The following MAML2 variants were observed in gnomAD, a reference collection of about 807,000 sequenced individuals.
MAML2 encodes mastermind-like protein 2.
MAML2 carries 22 observed loss-of-function variants against 96.1 expected under a neutral mutation model. The ratio of observed to expected loss-of-function variants is 0.23; its 90% CI spans 0.16 to 0.33. MAML2 has a LOEUF of 0.33. Ranked by LOEUF, MAML2 falls within the 10% of genes least tolerant of loss-of-function variation. The pLI is 1.00. For missense variants in MAML2, 1,367 were observed against 1,392.4 expected, an observed-to-expected ratio of 0.98 and a Z score of 0.29; for synonymous variants, 561 against 521.3, an observed-to-expected ratio of 1.08 and a Z score of -1.04.
chr11:96,015,991 T>C (rs1858346074), intron 2 of MAML2, among the ~76,000 whole-genome samples: 1 of 152,168 alleles, frequency 6.6e-6, no homozygotes, highest in Admixed American at 6.5e-5. Flanking sequence ...AATACATGCA[T>C]GGCTGGCCCT....
chr11:96,287,866 T>C (rs1310565599), intron 1 of MAML2, among the ~76,000 whole-genome samples: 1 of 152,230 alleles, frequency 6.6e-6, no homozygotes, highest in Non-Finnish European at 1.5e-5. Flanking sequence ...ACCCTTCATT[T>C]TAATACTAAC....
rs1366038500 is a variant in MAML2, at chr11:95,979,673, G to A, written c.2746C>T (p.Pro916Ser). Residue 916 changes from proline to serine, a missense_variant, in exon 5 of 5, where the codon CCA (proline) becomes TCA (serine). Pro to Ser is a moderately conservative substitution (Grantham distance 74, BLOSUM62 -1). Transcript: ENST00000524717. ...PMMPRPPTLG[P>S]SNNNNVATFG... ...GTGGCTACATTGTTATTATTACTTGGCCCTAAGGTAGGTGGCCGTGGCATC... is the reference window on the plus strand; with the variant it reads ...GTGGCTACATTGTTATTATTACTTGACCCTAAGGTAGGTGGCCGTGGCATC... 6.2e-7 allele frequency: 1 copy of A among 1,613,902 alleles called. No homozygotes were observed. The highest frequency in any genetic ancestry group is 8.5e-7 in the Non-Finnish European group (1 of 1,179,884).
chr11:96,239,069 T>C lies in MAML2; in HGVS notation c.513+102314A>G, dbSNP rs147446720. ...AAACAACTACAGCTGCAACCAAAGA[T>C]GGGAATCACACTAACATTTTAAAGT... On this transcript the variant is annotated intron_variant, in intron 1 of 4. Coordinates refer to ENST00000524717, the MANE Select transcript of MAML2 (RefSeq NM_032427.4). 2.6e-3 allele frequency among the ~76,000 whole-genome samples: 394 copies of C among 152,334 alleles called. 3 individuals carry two copies. The highest frequency in any genetic ancestry group is 9.0e-3 in the African/African-American group (375 of 41,578).
chr11:96,074,244 C>T (rs959285209), intron 2 of MAML2, among the ~76,000 whole-genome samples: 4 of 152,212 alleles, frequency 2.6e-5, no homozygotes, highest in Admixed American at 2.0e-4. Context: ...TGCAGTCACC[C>T]AGCTAGTCAG....
chr11:96,195,099 C>T (rs1861710633), intron 1 of MAML2, among the ~76,000 whole-genome samples: 1 of 152,234 alleles, frequency 6.6e-6, no homozygotes. Flanking sequence ...CTTTCTACTT[C>T]ACATTTTACC....
intron 1 of MAML2, among the ~76,000 whole-genome samples, chr11:96,321,768 T>C (rs1024115080): frequency 1.3e-5 from 2 of 152,230 alleles, no homozygotes; most frequent in African/African-American, 4.8e-5. Flanking sequence ...TGGCCAACAC[T>C]ATTCCCTCCA....
At chr11:96,064,314 C>A (rs1859212416) in intron 2 of MAML2, among the ~76,000 whole-genome samples, 1 of 152,154 alleles carries the variant, frequency 6.6e-6, no homozygotes, top group Admixed American at 6.5e-5. Flanking sequence ...TTGGTCAAGT[C>A]CGCTCTAGAA....
chr11:96,051,703 C>T (rs1858993160), intron 2 of MAML2, among the ~76,000 whole-genome samples: 1 of 152,198 alleles, frequency 6.6e-6, no homozygotes, highest in Non-Finnish European at 1.5e-5. Flanking sequence ...TGCCTGAAAG[C>T]CCACCAGTTA....
chr11:96,097,448 G>A (rs142585625), intron 1 of MAML2, among the ~76,000 whole-genome samples: 18 of 152,230 alleles, frequency 1.2e-4, no homozygotes, highest in African/African-American at 3.6e-4. Flanking sequence ...AAGTATTAGG[G>A]TAGTAATATC....
rs1050854309 is a variant in MAML2, at chr11:96,287,073, A to G, written c.513+54310T>C. ...ATACTGAGCAAAAAAATCAGCAGCT[A>G]GCACTTATCAGATGGGAAGTGAAAA... On this transcript the variant is annotated intron_variant, in intron 1 of 4. Transcript: ENST00000524717. 2.4e-4 allele frequency among the ~76,000 whole-genome samples: 37 copies of G among 152,366 alleles called. 1 individual carries two copies. Among genetic ancestry groups the G allele is most frequent in the African/African-American group, 8.4e-4 (35 of 41,586 alleles).
chr11:96,207,364 ATTAG>A (rs1273040544), intron 1 of MAML2, among the ~76,000 whole-genome samples: 5 of 152,226 alleles, frequency 3.3e-5, no homozygotes, highest in Non-Finnish European at 7.3e-5. Context: ...AATTCCCCAA[ATTAG>A]TTGGTAAATT....
intron 1 of MAML2, among the ~76,000 whole-genome samples, chr11:96,126,012 A>T (rs2135850955): frequency 6.6e-6 from 1 of 152,314 alleles, no homozygotes; most frequent in East Asian, 1.9e-4. Context: ...ACAAGAACTC[A>T]GACTTCAAGT....
intron 1 of MAML2, among the ~76,000 whole-genome samples, chr11:96,246,189 C>T (rs1021219875): frequency 4.6e-5 from 7 of 152,018 alleles, no homozygotes; most frequent in African/African-American, 1.4e-4. Flanking sequence ...AAAAATGAAG[C>T]ATAGGGACTC....
chr11:96,007,465 C>T (rs1389849385), intron 2 of MAML2, among the ~76,000 whole-genome samples: 1 of 152,142 alleles, frequency 6.6e-6, no homozygotes, highest in East Asian at 1.9e-4. Context: ...TAACTGGTAT[C>T]ACTTGGATCC....
At chr11:95,995,002 G>A (rs940615395) in intron 2 of MAML2, among the ~76,000 whole-genome samples, 1 of 152,112 alleles carries the variant, frequency 6.6e-6, no homozygotes, top group Non-Finnish European at 1.5e-5. Context: ...ATAACAGTAT[G>A]GATGTCACAG....
intron 1 of MAML2, among the ~76,000 whole-genome samples, chr11:96,319,199 A>AT (rs1405700338): frequency 3.9e-5 from 6 of 152,020 alleles, no homozygotes; most frequent in African/African-American, 1.2e-4. Flanking sequence ...AGGAATTGAG[A>AT]TTTTCTCCCA....
chr11:96,158,810 T>A (rs79585097), intron 1 of MAML2, among the ~76,000 whole-genome samples: 1,949 of 152,276 alleles, frequency 0.013, 18 homozygotes, highest in Admixed American at 0.019. Flanking sequence ...TGGATAAGGC[T>A]TCATCGTCCC....
intron 2 of MAML2, among the ~76,000 whole-genome samples, chr11:96,027,330 C>T (rs1324501405): frequency 1.3e-5 from 2 of 152,070 alleles, no homozygotes; most frequent in Non-Finnish European, 2.9e-5. Flanking sequence ...TATTATAATC[C>T]CAGTTTTACA....
intron 1 of MAML2, among the ~76,000 whole-genome samples, chr11:96,226,467 T>C (rs1282870895): frequency 6.6e-6 from 1 of 152,118 alleles, no homozygotes; most frequent in Non-Finnish European, 1.5e-5. Flanking sequence ...GGAAGAAAAA[T>C]ATTCCATTAG....
Sources: gnomAD v4.1 joint callset for allele counts (sites outside exome capture counted in the v4.1 genomes callset) on GRCh38, gnomAD v4.1.1 for gene constraint, MANE v1.5 for transcripts, NCBI Gene and HGNC (gene_info 2026-07-23, HGNC 2026-07-21) for gene names.